Variants in GRIN3A observed in about 807,000 individuals in gnomAD.
The protein encoded by GRIN3A is glutamate ionotropic receptor NMDA type subunit 3A.
Under a neutral mutation model 92.4 loss-of-function variants are expected in GRIN3A, and 47 were observed. That is an observed-to-expected ratio of 0.51 (90% CI 0.40 to 0.65). The LOEUF is 0.65. GRIN3A is among the 30% of genes least tolerant of loss of function. The pLI is 0.00. For missense variants in GRIN3A, 1,324 were observed against 1,393.1 expected (o/e 0.95, Z 0.79); for synonymous variants, 527 against 540.6 (o/e 0.97, Z 0.35).
At chr9:101,594,603 T>A (rs778138570) in intron 6 of GRIN3A, 1 of 1,614,172 alleles carries the variant, frequency 6.2e-7, no homozygotes, top group South Asian at 1.1e-5. Context: ...CCGTTGGAAA[T>A]GTAGCCATCT....
At chr9:101,641,457 A>T (rs866535292) in intron 3 of GRIN3A, among the ~76,000 whole-genome samples, 23 of 152,088 alleles carry the variant, frequency 1.5e-4, no homozygotes, top group Middle Eastern at 3.4e-3. Context: ...TATGCAGTTC[A>T]TGATGAGTTC....
chr9:101,645,478 T>C (rs138001588), intron 3 of GRIN3A, among the ~76,000 whole-genome samples: 53 of 151,978 alleles, frequency 3.5e-4, no homozygotes, highest in Admixed American at 5.9e-4. Context: ...TTCTTTGATA[T>C]ACTGATTTCC....
At position 101,624,405 on chromosome 9, in the gene GRIN3A, T is replaced by A. The variant is rs959601260; in HGVS notation, c.2499-972A>T. The stretch of plus-strand genomic sequence containing the variant: ...CCACCCCACAACAGTCCCCAGAGTG[T>A]GATGTTCCCCTTCCTGTGTCCATGT... On this transcript the variant is annotated intron_variant, in intron 4 of 8. Transcript: ENST00000361820. Among the ~76,000 whole-genome samples, 91 of 121,652 alleles carry A rather than the reference T, an allele frequency of 7.5e-4. 1 individual carries two copies. Among genetic ancestry groups the A allele is most frequent in the South Asian group, 1.2e-3 (4 of 3,280 alleles). The allele number at this position is 121,652 out of a possible 152,430, so 79.8% of individuals were successfully genotyped here. A position where few individuals can be genotyped will look rare whatever the true frequency, so the allele number is the denominator to read the frequency against.
At chr9:101,638,861 C>A (rs1228121663) in intron 3 of GRIN3A, among the ~76,000 whole-genome samples, 2 of 152,200 alleles carry the variant, frequency 1.3e-5, no homozygotes, top group East Asian at 1.9e-4. Context: ...CCCTTATCTG[C>A]AAAATGGCTA....
chr9:101,620,769 C>T (rs544915053), intron 5 of GRIN3A, among the ~76,000 whole-genome samples: 22 of 152,086 alleles, frequency 1.4e-4, no homozygotes, highest in South Asian at 8.3e-4. Context: ...GCTCATACAC[C>T]GCTTTGATGA....
intron 3 of GRIN3A, among the ~76,000 whole-genome samples, chr9:101,632,357 T>C (rs1034939336): frequency 1.3e-5 from 2 of 152,346 alleles, no homozygotes; most frequent in African/African-American, 4.8e-5. Context: ...ATGAGGATGG[T>C]GCCCATAGTG....
chr9:101,724,336 C>G (rs960708685), intron 1 of GRIN3A, among the ~76,000 whole-genome samples: 2 of 152,208 alleles, frequency 1.3e-5, no homozygotes, highest in Non-Finnish European at 2.9e-5. Flanking sequence ...ACCCAGTACG[C>G]CCTCCGCAGC....
At chr9:101,708,653 T>C (rs1268530937) in intron 1 of GRIN3A, among the ~76,000 whole-genome samples, 1 of 152,202 alleles carries the variant, frequency 6.6e-6, no homozygotes, top group Non-Finnish European at 1.5e-5. Context: ...GATCCAGAAT[T>C]AAATTTATCA....
intron 6 of GRIN3A, among the ~76,000 whole-genome samples, chr9:101,597,232 G>A (rs1320184856): frequency 6.6e-6 from 1 of 152,138 alleles, no homozygotes; most frequent in East Asian, 1.9e-4. Context: ...TCTCACTTGG[G>A]TTGGGTTCCC....
chr9:101,725,452 G>T (rs1342723118), intron 1 of GRIN3A, among the ~76,000 whole-genome samples: 1 of 152,196 alleles, frequency 6.6e-6, no homozygotes, highest in Non-Finnish European at 1.5e-5. Context: ...AGAAAAGGGA[G>T]AAGTCAAAGA....
At chr9:101,632,257 C>T (rs1246256441) in intron 3 of GRIN3A, among the ~76,000 whole-genome samples, 1 of 152,178 alleles carries the variant, frequency 6.6e-6, no homozygotes, top group African/African-American at 2.4e-5. Flanking sequence ...ACCTGTAACA[C>T]CCTCCCATTA....
intron 6 of GRIN3A, chr9:101,594,951 A>AGGAGAGGGGAGC: frequency 6.3e-7 from 1 of 1,586,074 alleles, no homozygotes; most frequent in Non-Finnish European, 8.5e-7. Context: ...CCACGGCTCA[A>AGGAGAGGGGAGC]AGGGTCGGAG....
chr9:101,690,777 A>G (rs1233119983), intron 1 of GRIN3A, among the ~76,000 whole-genome samples: 6 of 152,208 alleles, frequency 3.9e-5, no homozygotes, highest in South Asian at 2.1e-4. Flanking sequence ...ATAGGTACTA[A>G]TAGGTACTAA....
At chr9:101,633,005 T>C (rs960639569) in intron 3 of GRIN3A, among the ~76,000 whole-genome samples, 5 of 152,284 alleles carry the variant, frequency 3.3e-5, no homozygotes, top group African/African-American at 1.2e-4. Flanking sequence ...AAACTGTCTA[T>C]TTGTATGTGA....
chr9:101,705,836 A>C (rs914004355), intron 1 of GRIN3A, among the ~76,000 whole-genome samples: 2 of 152,188 alleles, frequency 1.3e-5, no homozygotes, highest in Admixed American at 6.5e-5. Flanking sequence ...TATTCATTTA[A>C]TCCTCACAAC....
rs1828665500 is a variant in GRIN3A at position 101,628,410 on chromosome 9, G to A, written c.2353-9C>T. ...TGGGAAGGATGATGTAACTATGAGG[G>A]AGAAAAAGAAATGGCTTAAATAAAA... On this transcript the variant is annotated splice_polypyrimidine_tract_variant and intron_variant, in intron 3 of 8. Transcript: ENST00000361820. 6.2e-7 allele frequency: 1 copy of A among 1,612,348 alleles called. No homozygotes were observed. Among genetic ancestry groups the A allele is most frequent in the East Asian group, 2.2e-5 (1 of 44,854 alleles).
intron 1 of GRIN3A, among the ~76,000 whole-genome samples, chr9:101,723,546 C>T (rs1045000266): frequency 6.6e-6 from 1 of 152,192 alleles, no homozygotes; most frequent in Non-Finnish European, 1.5e-5. Context: ...GTTGCCACTG[C>T]TGGCTCGGGC....
chr9:101,599,430 T>TTACATAAATA (rs1483199752), intron 6 of GRIN3A, among the ~76,000 whole-genome samples: 1 of 152,210 alleles, frequency 6.6e-6, no homozygotes, highest in Non-Finnish European at 1.5e-5. Context: ...TTTCATAAAC[T>TTACATAAATA]ATGTAGCTCA....
chr9:101,697,669 A>T (rs1829700596), intron 1 of GRIN3A, among the ~76,000 whole-genome samples: 1 of 152,196 alleles, frequency 6.6e-6, no homozygotes, highest in Non-Finnish European at 1.5e-5. Context: ...TCAACAGTCC[A>T]CCAGAAACCA....
Sources: allele counts gnomAD v4.1 joint callset (sites outside exome capture counted in the v4.1 genomes callset), GRCh38; gene constraint gnomAD v4.1.1; transcripts MANE v1.5; gene names NCBI Gene and HGNC (gene_info 2026-07-23, HGNC 2026-07-21).